Variants in EEPD1 observed in about 807,000 individuals in gnomAD.
EEPD1 encodes endonuclease/exonuclease/phosphatase family domain containing 1.
A neutral mutation model predicts 46.3 loss-of-function variants in EEPD1; 17 were observed. The observed-to-expected ratio is 0.37, with a 90% CI of 0.25 to 0.55. The LOEUF (loss-of-function observed/expected upper bound fraction) is 0.55, where lower values mean the gene tolerates loss of function less well. Among genes scored for constraint, EEPD1 ranks in the 20% least tolerant of loss-of-function variants. The pLI is 0.83. For synonymous variants in EEPD1, 313 were observed against 315.6 expected (o/e 0.99, Z 0.09); for missense variants, 673 against 745.6 (o/e 0.90, Z 1.13).
intron 3 of EEPD1, among the ~76,000 whole-genome samples, chr7:36,280,502 T>C (rs765853371): frequency 2.0e-5 from 3 of 152,260 alleles, no homozygotes; most frequent in Non-Finnish European, 4.4e-5. Context: ...CTCATCCTAC[T>C]GTGTGCAATT....
At chr7:36,284,905 A>G in intron 5 of EEPD1, 85 bp downstream of exon 5, 1 of 1,397,508 alleles carries the variant, frequency 7.2e-7, no homozygotes, top group Non-Finnish European at 9.3e-7. Flanking sequence ...TAGCATGAGT[A>G]AGAGAAGTCT....
At chr7:36,243,973 AC>A (rs1169300466) in intron 3 of EEPD1, among the ~76,000 whole-genome samples, 2 of 150,600 alleles carry the variant, frequency 1.3e-5, no homozygotes, top group Non-Finnish European at 3.0e-5. Context: ...GGTGCAGCAC[AC>A]CAGCATGGCA....
intron 2 of EEPD1, among the ~76,000 whole-genome samples, chr7:36,201,490 C>G (rs1785711874): frequency 6.6e-6 from 1 of 152,142 alleles, no homozygotes; most frequent in African/African-American, 2.4e-5. Flanking sequence ...TTTCTGATGA[C>G]TATCAGCTGA....
At chr7:36,212,085 A>G (rs183119920) in intron 2 of EEPD1, among the ~76,000 whole-genome samples, 91 of 152,358 alleles carry the variant, frequency 6.0e-4, no homozygotes, top group African/African-American at 1.9e-3. Context: ...TTATATCTCA[A>G]TAGAAAAATT....
At chr7:36,243,209 G>A (rs1256369008) in intron 3 of EEPD1, among the ~76,000 whole-genome samples, 5 of 152,010 alleles carry the variant, frequency 3.3e-5, no homozygotes, top group South Asian at 4.1e-4. Context: ...GTTCAAGAAC[G>A]CTGCTGTAGA....
intron 2 of EEPD1, among the ~76,000 whole-genome samples, chr7:36,167,712 TTTA>T (rs374228206): frequency 1.3e-5 from 2 of 151,614 alleles, no homozygotes; most frequent in African/African-American, 2.4e-5. Context: ...CATAGTGCCC[TTTA>T]TTATTATTAT....
chr7:36,171,026 A>T (rs888927541), intron 2 of EEPD1, among the ~76,000 whole-genome samples: 1 of 152,150 alleles, frequency 6.6e-6, no homozygotes. Context: ...GGCTCAAGCA[A>T]TCCTCCTGCC....
At chr7:36,214,650 C>A (rs1463549031) in intron 2 of EEPD1, among the ~76,000 whole-genome samples, 1 of 151,238 alleles carries the variant, frequency 6.6e-6, no homozygotes, top group African/African-American at 2.4e-5. Context: ...GGGGCCCAGC[C>A]GTGTGTTTTA....
chr7:36,163,728 A>G (rs1049718308), intron 2 of EEPD1, among the ~76,000 whole-genome samples: 1 of 152,070 alleles, frequency 6.6e-6, no homozygotes, highest in Non-Finnish European at 1.5e-5. Flanking sequence ...AAATAAAAAA[A>G]TTAGCCAGGC....
chr7:36,286,054 A>G (rs1370834017), intron 5 of EEPD1, among the ~76,000 whole-genome samples: 1 of 151,940 alleles, frequency 6.6e-6, no homozygotes, highest in Admixed American at 6.5e-5. Flanking sequence ...CCCTTTTTTT[A>G]TGTCAAGTTC....
Position 36,301,371 on chromosome 7 carries a change from A to C in EEPD1, c.*2165A>C, listed in dbSNP as rs746260344. 6.6e-6 allele frequency: 1 copy of C among 152,262 alleles called. No individual in the cohort carries two copies. Among genetic ancestry groups the C allele is most frequent in the African/African-American group, 2.4e-5 (1 of 41,474 alleles). 9.4% of individuals were successfully genotyped at this position (152,262 alleles called of 1,614,324 possible). ...TGTAAGAGCAGTTTTATGTTTACAG[A>C]AAAATTAGGCACAAAGGGATTCCCA... On this transcript the variant is annotated 3_prime_UTR_variant, in exon 8 of 8. Transcript: ENST00000242108.
intron 6 of EEPD1, 121 bp from the exon 7 acceptor site, chr7:36,296,872 A>C (rs1209771926): frequency 3.3e-6 from 3 of 900,888 alleles, no homozygotes; most frequent in African/African-American, 3.4e-5. Context: ...GAACCATGCC[A>C]CAGTACTAAC....
At chr7:36,214,923 C>T (rs556976966) in intron 2 of EEPD1, among the ~76,000 whole-genome samples, 2 of 152,292 alleles carry the variant, frequency 1.3e-5, no homozygotes, top group Non-Finnish European at 2.9e-5. Context: ...CTCGGTATTA[C>T]GGGGTCAGCA....
At chr7:36,224,897 TG>T (rs959315636) in intron 2 of EEPD1, among the ~76,000 whole-genome samples, 1 of 152,144 alleles carries the variant, frequency 6.6e-6, no homozygotes, top group Non-Finnish European at 1.5e-5. Flanking sequence ...GGGGTTATAC[TG>T]GGTCATCTAT....
At chr7:36,203,107 A>G (rs890822652) in intron 2 of EEPD1, among the ~76,000 whole-genome samples, 1 of 152,264 alleles carries the variant, frequency 6.6e-6, no homozygotes, top group Non-Finnish European at 1.5e-5. Flanking sequence ...CAAAGAGGGA[A>G]GAATTTTGTG....
At position 36,154,429 on chromosome 7, in the gene EEPD1, G is replaced by A; in HGVS notation, c.105G>A (p.Val35=). 6.2e-7 allele frequency: 1 copy of A among 1,614,208 alleles called. No homozygotes were observed. Among genetic ancestry groups the A allele is most frequent in the Non-Finnish European group, 8.5e-7 (1 of 1,180,042 alleles). Residue 35 remains valine, a synonymous_variant, in exon 2 of 8, where the codon GTG becomes GTA. Coordinates refer to ENST00000242108, the MANE Select transcript of EEPD1 (RefSeq NM_030636.3). This position sits in a 1 kb window ranked among gnomAD's most constrained non-coding sequence, Gnocchi z 4.2. ...CCTGTAACTTCAGCAACATTCTAGT[G>A]AATCAGGAGCGGCTCAACATCAACA... ...SAACNFSNIL[V]NQERLNINTA...
At chr7:36,287,912 C>T in intron 6 of EEPD1, 135 bp downstream of exon 6, 1 of 1,258,772 alleles carries the variant, frequency 7.9e-7, no homozygotes, top group South Asian at 1.5e-5. Flanking sequence ...GACAGTCAAA[C>T]CTCTGGCATC....
intron 3 of EEPD1, among the ~76,000 whole-genome samples, chr7:36,240,316 T>A (rs1786536151): frequency 6.6e-6 from 1 of 152,166 alleles, no homozygotes; most frequent in African/African-American, 2.4e-5. Context: ...TGGTTGGCAC[T>A]AAGACAAATA....
chr7:36,208,433 G>A (rs142407043), intron 2 of EEPD1, among the ~76,000 whole-genome samples: 115 of 152,354 alleles, frequency 7.5e-4, no homozygotes, highest in African/African-American at 2.5e-3. Context: ...GTGTTTGGCT[G>A]TGGATGCAAT....
Sources: allele counts gnomAD v4.1 joint callset (sites outside exome capture counted in the v4.1 genomes callset), GRCh38; gene constraint gnomAD v4.1.1; non-coding constraint Gnocchi (gnomAD v3.1); transcripts MANE v1.5; gene names NCBI Gene and HGNC (gene_info 2026-07-23, HGNC 2026-07-21).